Variants in LRRC32 observed in about 807,000 individuals in gnomAD.
LRRC32 encodes transforming growth factor beta activator LRRC32.
A neutral mutation model predicts 15.0 loss-of-function variants in LRRC32; 5 were observed. The observed-to-expected ratio is 0.33, with a 90% CI of 0.17 to 0.70. The LOEUF (loss-of-function observed/expected upper bound fraction) is 0.70. LRRC32 is among the 30% of genes least tolerant of loss of function. LRRC32 has a pLI of 0.66. For synonymous variants in LRRC32, 391 were observed against 403.9 expected, an observed-to-expected ratio of 0.97 and a Z score of 0.38; for missense variants, 803 against 854.2, an observed-to-expected ratio of 0.94 and a Z score of 0.75.
At chr11:76,669,562 G>A (rs1183870124) in intron 1 of LRRC32, among the ~76,000 whole-genome samples, 3 of 151,930 alleles carry the variant, frequency 2.0e-5, no homozygotes, top group Non-Finnish European at 2.9e-5. Context: ...CCCATTTTAC[G>A]GATGAGAAAA....
intron 2 of LRRC32, among the ~76,000 whole-genome samples, chr11:76,665,104 T>G (rs11236842): frequency 0.039 from 5,900 of 152,322 alleles, 407 homozygotes; most frequent in African/African-American, 0.13. Context: ...CTCTTTGCCC[T>G]GTATCTCATA....
At chr11:76,667,630 C>T (rs903049846) in intron 1 of LRRC32, among the ~76,000 whole-genome samples, 2 of 152,244 alleles carry the variant, frequency 1.3e-5, no homozygotes, top group Non-Finnish European at 2.9e-5. Flanking sequence ...TGTGCTTTCA[C>T]AGGAAACTTT....
chr11:76,667,196 A>G (rs1349272770), intron 1 of LRRC32, among the ~76,000 whole-genome samples: 2 of 152,198 alleles, frequency 1.3e-5, no homozygotes, highest in East Asian at 3.8e-4. Context: ...CCTCACAAAA[A>G]TTCAATGACT....
rs1952476460 is a variant in LRRC32 at position 76,659,705 on chromosome 11, T to C, written c.1888A>G (p.Ile630Val). The C allele has an allele frequency of 6.2e-6, 10 of 1,614,050 alleles. No individual in the cohort carries two copies. The highest frequency in any genetic ancestry group is 1.7e-5 in the Admixed American group (1 of 60,002). ...KGGLKNINLI[I>V]ILTFILVSAI... ...GAGACCAGTATGAAGGTGAGGATGA[T>C]GATGAGGTTGATGTTCTTCAGTCCC... is the stretch of plus-strand genomic sequence containing the variant. The change falls in exon 3 of 3, where the codon ATC becomes GTC. Residue 630 changes from isoleucine to valine, a missense_variant. By Grantham distance (29) the Ile-to-Val change is conservative. Transcript: ENST00000260061.
chr11:76,659,748 G>A lies in LRRC32; in HGVS notation c.1845C>T (p.Pro615=), dbSNP rs4304809. ...QEEVSLSHVR[P]EDCEKGGLKN... is the part of the protein sequence containing the mutation. ...TCAGTCCCCCCTTCTCACAGTCCTC[G>A]GGACGCACGTGGCTCAGGGACACCT... Residue 615 remains proline (P), a synonymous_variant, in exon 3 of 3, where the codon CCC becomes CCT. Transcript: ENST00000260061. 27 of 1,614,106 alleles carry A rather than the reference G, an allele frequency of 1.7e-5. No individual in the cohort carries two copies. The highest frequency in any genetic ancestry group is 1.6e-4 in the Middle Eastern group (1 of 6,084).
rs140060272 is a variant in LRRC32 at position 76,660,089 on chromosome 11, C to T, written c.1504G>A (p.Gly502Arg). 72 of 1,613,940 alleles carry T rather than the reference C, an allele frequency of 4.5e-5. No homozygotes were observed. Among genetic ancestry groups the T allele is most frequent in the Middle Eastern group, 1.7e-4 (1 of 6,054 alleles). ...SLEVLALQGN[G>R]LMVLQVDLPC... is the part of the protein sequence containing the mutation. ...AGGTCCACCTGCAGGACCATCAGCC[C>T]GTTGCCCTGCAGTGCCAGGACCTCC... Residue 502 changes from glycine to arginine, a missense_variant, in exon 3 of 3, where the codon GGG becomes AGG. Coordinates refer to ENST00000260061, the MANE Select transcript of LRRC32 (RefSeq NM_001128922.2).
In LRRC32 at chr11:76,661,189, C is replaced by T. The variant is rs1198333582; in HGVS notation, c.404G>A (p.Ser135Asn). 1 of 1,613,762 alleles carries T rather than the reference C, an allele frequency of 6.2e-7. No homozygotes were observed. The highest frequency in any genetic ancestry group is 1.3e-5 in the African/African-American group (1 of 74,942). The change falls in exon 3 of 3, where the codon AGC becomes AAC. Residue 135 changes from serine (S) to asparagine (N), a missense_variant. Ser to Asn is a conservative substitution (Grantham distance 46, BLOSUM62 1). Transcript: ENST00000260061. ...RVTSLDLSGNSLYSGLLERLL... is the reference protein window; with the variant it reads ...RVTSLDLSGNNLYSGLLERLL... ...CCGCTCCAGCAGGCCGCTGTACAGG[C>T]TGTTCCCAGACAGGTCCAGGGAGGT...
At chr11:76,666,409 C>G (rs1402509857) in intron 1 of LRRC32, among the ~76,000 whole-genome samples, 1 of 152,194 alleles carries the variant, frequency 6.6e-6, no homozygotes, top group African/African-American at 2.4e-5. Context: ...TCCTCCGTAC[C>G]AGCTCTTCAG....
Position 76,658,556 on chromosome 11 carries a change from G to A in LRRC32, c.*1048C>T, listed in dbSNP as rs569992652. 2.6e-4 allele frequency: 39 copies of A among 152,456 alleles called. No individual in the cohort carries two copies. The highest frequency in any genetic ancestry group is 9.4e-4 in the African/African-American group (39 of 41,598). The allele number at this position is 152,456 out of a possible 1,614,324, so 9.4% of individuals were successfully genotyped here. On this transcript the variant is annotated 3_prime_UTR_variant, in exon 3 of 3. Transcript: ENST00000260061. Reference sequence around the variant, plus strand: ...TGGTAAAGATCAGGCCCTGGAGACAGAAGGATGAAGGTTTGAATCTCACCT... The same window carrying A: ...TGGTAAAGATCAGGCCCTGGAGACAAAAGGATGAAGGTTTGAATCTCACCT...
intron 2 of LRRC32, among the ~76,000 whole-genome samples, chr11:76,662,319 C>A (rs79809441): frequency 1.3e-5 from 2 of 152,154 alleles, no homozygotes; most frequent in African/African-American, 4.8e-5. Flanking sequence ...GTCACATAAC[C>A]ACTCTGTTTT....
Position 76,661,029 on chromosome 11 carries a change from G to A in LRRC32, c.564C>T (p.Ile188=), listed in dbSNP as rs373360562. 17 of 1,614,076 alleles carry A rather than the reference G, an allele frequency of 1.1e-5. No individual in the cohort carries two copies. Among genetic ancestry groups the A allele is most frequent in the East Asian group, 4.5e-5 (2 of 44,898 alleles). The change falls in exon 3 of 3, where the codon ATC becomes ATT. Residue 188 remains isoleucine (I), a synonymous_variant. Transcript: ENST00000260061. ...GCAGACCCTCGAAGGCGCCATCCTC[G>A]ATGTCCATCAGCACGTTGCTATGCA... The part of the protein sequence containing the change: ...LDLHSNVLMD[I]EDGAFEGLPR...
intron 1 of LRRC32, among the ~76,000 whole-genome samples, chr11:76,666,302 C>G (rs572758975): frequency 2.6e-5 from 4 of 152,264 alleles, no homozygotes; most frequent in Admixed American, 1.3e-4. Flanking sequence ...TAAGGGTTAC[C>G]CTAGGCCATG....
Position 76,660,675 on chromosome 11 carries a change from G to T in LRRC32, c.918C>A (p.Ser306Arg), listed in dbSNP as rs375560703. 15 of 1,613,974 alleles carry T rather than the reference G, an allele frequency of 9.3e-6. No homozygotes were observed. The highest frequency in any genetic ancestry group is 3.3e-5 in the South Asian group (3 of 91,076). ...AAAGGGGGCGGCCGCTGGCATTCCC[G>T]CTGGGGGCTGAGAGGGGCAGGGCTG... Reference protein sequence around the residue: ...GWSALPLSAPSGNASGRPLSQ... With the variant: ...GWSALPLSAPRGNASGRPLSQ... Residue 306 changes from serine (S) to arginine (R), a missense_variant, in exon 3 of 3, where the codon AGC (serine) becomes AGA (arginine). Transcript: ENST00000260061.
intron 1 of LRRC32, among the ~76,000 whole-genome samples, chr11:76,670,293 C>A (rs569747668): frequency 4.5e-4 from 69 of 152,330 alleles, no homozygotes; most frequent in Non-Finnish European, 8.5e-4. Context: ...TGCAGGAAAC[C>A]TGAATTCAAA....
intron 1 of LRRC32, among the ~76,000 whole-genome samples, chr11:76,668,634 C>A (rs1180216466): frequency 6.6e-6 from 1 of 152,198 alleles, no homozygotes; most frequent in African/African-American, 2.4e-5. Context: ...CCACATTTAT[C>A]ATTTCCTCAT....
chr11:76,666,757 G>A (rs1185169866), intron 1 of LRRC32, among the ~76,000 whole-genome samples: 1 of 152,188 alleles, frequency 6.6e-6, no homozygotes, highest in Admixed American at 6.5e-5. Flanking sequence ...CCTCACTAAG[G>A]ACATCAGCCA....
chr11:76,661,649 G>A (rs1446343900), intron 2 of LRRC32, 141 bp from the exon 3 acceptor site: 56 of 1,382,142 alleles, frequency 4.1e-5, no homozygotes, highest in Middle Eastern at 5.3e-4. Context: ...TTCCCCCACC[G>A]CAGCCTGATC....
intron 2 of LRRC32, chr11:76,663,526 G>A (rs1182471478): frequency 6.6e-6 from 1 of 152,248 alleles, no homozygotes; most frequent in Non-Finnish European, 1.5e-5. Context: ...GCCTCCGTGT[G>A]GCTCTTCTTA....
In LRRC32 at chr11:76,661,264, G is replaced by A. The variant is rs756729367; in HGVS notation, c.329C>T (p.Ala110Val). 9.3e-6 allele frequency: 15 copies of A among 1,614,002 alleles called. No individual in the cohort carries two copies. The highest frequency in any genetic ancestry group is 8.8e-5 in the South Asian group (8 of 91,064). The change falls in exon 3 of 3, where the codon GCG becomes GTG. Residue 110 changes from alanine (A) to valine (V), a missense_variant. Physicochemically the swap from Ala to Val is moderately conservative, Grantham distance 64 (BLOSUM62 0). Transcript: ENST00000260061. ...ACCAGCACTCAGCGCAGTGGCCATC[G>A]CCAGCCGGTTGTGAGCCAGGCTGAG... ...EHLSLAHNRLAMATALSAGGL... is the reference protein window; with the variant it reads ...EHLSLAHNRLVMATALSAGGL...
Sources: gnomAD v4.1 joint callset for allele counts (sites outside exome capture counted in the v4.1 genomes callset) on GRCh38, gnomAD v4.1.1 for gene constraint, MANE v1.5 for transcripts, NCBI Gene and HGNC (gene_info 2026-07-23, HGNC 2026-07-21) for gene names.